SCAMP4: variants seen among roughly 807,000 people sequenced by gnomAD.
SCAMP4 encodes the protein secretory carrier-associated membrane protein 4.
Under a neutral mutation model 32.1 loss-of-function variants are expected in SCAMP4, and 19 were observed. The ratio of observed to expected loss-of-function variants is 0.59; its 90% CI spans 0.41 to 0.87. The LOEUF (loss-of-function observed/expected upper bound fraction) is 0.87, where lower values mean the gene tolerates loss of function less well. Among genes scored for constraint, SCAMP4 ranks in the 40% least tolerant of loss-of-function variants. The pLI, the probability that SCAMP4 is intolerant of heterozygous loss-of-function variation, is 0.00. For missense variants in SCAMP4, 302 were observed against 309.0 expected, an observed-to-expected ratio of 0.98 and a Z score of 0.17; for synonymous variants, 152 against 132.7, an observed-to-expected ratio of 1.15 and a Z score of -1.00.
intron 5 of SCAMP4, chr19:1,920,044 C>G: frequency 3.2e-6 from 2 of 624,958 alleles, no homozygotes; most frequent in Non-Finnish European, 4.0e-6. Flanking sequence ...AACTCCTAAC[C>G]TCGTGATCCA....
At chr19:1,910,010 T>C (rs1157483169) in intron 1 of SCAMP4, among the ~76,000 whole-genome samples, 1 of 152,232 alleles carries the variant, frequency 6.6e-6, no homozygotes, top group Non-Finnish European at 1.5e-5. Flanking sequence ...TGCCAGGCTG[T>C]GTGCTGTTCT....
chr19:1,906,488 G>C (rs1440073626), intron 1 of SCAMP4: 2 of 152,088 alleles, frequency 1.3e-5, no homozygotes, highest in Non-Finnish European at 2.9e-5. Context: ...GCAGTGAACT[G>C]TGATGGCACT....
At position 1,921,803 on chromosome 19, in the gene SCAMP4, G is replaced by A. The variant is rs149410975; in HGVS notation, c.396-1267G>A. On this transcript the variant is annotated intron_variant, in intron 5 of 6. Transcript: ENST00000316097. ...CAGACTGGCCTGGGCAACATAGGGA[G>A]AAACCATCTCTCCAGAAAAAAAAAA... is the stretch of plus-strand genomic sequence containing the variant. The A allele has an allele frequency of 1.7e-3, 1,643 of 984,620 alleles. 6 individuals are homozygous for A. The highest frequency in any genetic ancestry group is 1.9e-3 in the Non-Finnish European group (1,577 of 829,532). 61.0% of individuals were successfully genotyped at this position (984,620 alleles called of 1,614,324 possible).
At chr19:1,910,471 G>T (rs910859987) in intron 1 of SCAMP4, among the ~76,000 whole-genome samples, 3 of 152,234 alleles carry the variant, frequency 2.0e-5, no homozygotes, top group East Asian at 1.9e-4. Context: ...TCTCTTAGGG[G>T]TGATGGAATG....
chr19:1,925,910 A>ACCCCCCCCCCC lies in SCAMP4; in HGVS notation c.*1635_*1636insCCCCCCCCCCC, dbSNP rs71174396. ...GACAAAATCTCACCTGGCAGGCCCA[A>ACCCCCCCCCCC]CCCCCCCCCACCCCTCCCCCGCCGT... On this transcript the variant is annotated 3_prime_UTR_variant, in exon 7 of 7. Coordinates refer to ENST00000316097, the MANE Select transcript of SCAMP4 (RefSeq NM_079834.4). The ACCCCCCCCCCC allele has an allele frequency of 2.2e-4, 25 of 112,688 alleles. No homozygotes were observed. Among genetic ancestry groups the ACCCCCCCCCCC allele is most frequent in the African/African-American group, 5.4e-4 (12 of 22,176 alleles). The allele number at this position is 112,688 out of a possible 1,614,324, so 7.0% of individuals were successfully genotyped here.
In SCAMP4 at chr19:1,912,673, G is replaced by A. The variant is rs751313469; in HGVS notation, c.-41-2306G>A. 7.0e-5 allele frequency: 101 copies of A among 1,437,068 alleles called. No individual in the cohort carries two copies. Among genetic ancestry groups the A allele is most frequent in the South Asian group, 1.1e-4 (8 of 70,712 alleles). 89.0% of individuals were successfully genotyped at this position (1,437,068 alleles called of 1,614,324 possible). ...CGGCGGGCAGCAGCGCGGGGCTTGC[G>A]GGCCGTGGGGGCCGTGGTAGTGGAC... On this transcript the variant is annotated intron_variant, in intron 1 of 6. Coordinates refer to ENST00000316097, the MANE Select transcript of SCAMP4 (RefSeq NM_079834.4).
intron 5 of SCAMP4, chr19:1,919,296 T>C: frequency 1.6e-6 from 2 of 1,217,868 alleles, no homozygotes; most frequent in Non-Finnish European, 2.1e-6. Flanking sequence ...ATCACACCCC[T>C]GACCCGGGGT....
chr19:1,916,625 ATTTTTGTAG>A (rs1340594106), intron 2 of SCAMP4, among the ~76,000 whole-genome samples: 1 of 151,462 alleles, frequency 6.6e-6, no homozygotes, highest in Admixed American at 6.6e-5. Flanking sequence ...CGCTTGGCTA[ATTTTTGTAG>A]TTTTTGTAGA....
chr19:1,911,644 G>C (rs758938145), intron 1 of SCAMP4, among the ~76,000 whole-genome samples: 1 of 152,164 alleles, frequency 6.6e-6, no homozygotes, highest in African/African-American at 2.4e-5. Context: ...TTAGTCGGGC[G>C]TGGTGGCGCA....
At chr19:1,913,193 T>C in intron 1 of SCAMP4, 1 of 1,469,706 alleles carries the variant, frequency 6.8e-7, no homozygotes, top group Non-Finnish European at 9.0e-7. Flanking sequence ...CTCCCGGCCG[T>C]GGGGCGCCCC....
Position 1,912,861 on chromosome 19 carries a change from G to GC in SCAMP4, c.-41-2112dup, listed in dbSNP as rs775575809. On this transcript the variant is annotated intron_variant, in intron 1 of 6. Coordinates refer to ENST00000316097, the MANE Select transcript of SCAMP4 (RefSeq NM_079834.4). ...CGCCTGCTCCTTCGCCCCGGCCGCT[G>GC]CCCCCCAGGCCGTCCGCGCAGGCGC... 73 of 1,598,712 alleles carry GC rather than the reference G, an allele frequency of 4.6e-5. No homozygotes were observed. The highest frequency in any genetic ancestry group is 1.1e-4 in the South Asian group (10 of 90,756).
At chr19:1,912,727 G>T in intron 1 of SCAMP4, 1 of 1,529,612 alleles carries the variant, frequency 6.5e-7, no homozygotes, top group Admixed American at 2.0e-5. Flanking sequence ...CTGGCCACCG[G>T]CCACGACTGC....
At chr19:1,918,846 A>T (rs377728943) in intron 4 of SCAMP4, 43 bp from the exon 5 acceptor site, 102 of 1,570,586 alleles carry the variant, frequency 6.5e-5, no homozygotes, top group Non-Finnish European at 8.8e-5. Flanking sequence ...GTCTGGGAGA[A>T]GCCAGGGCTG....
In SCAMP4 at chr19:1,918,927, T is replaced by C; in HGVS notation, c.332T>C (p.Ile111Thr). The C allele has an allele frequency of 6.2e-7, 1 of 1,612,532 alleles. No individual in the cohort carries two copies. Among genetic ancestry groups the C allele is most frequent in the Non-Finnish European group, 8.5e-7 (1 of 1,179,304 alleles). ...TTTAATTTCATGGCGTTTTTCTTCA[T>C]CTTCGGAGCCCAGTTTGTCCTGACC... ...SSFNFMAFFF[I>T]FGAQFVLTVI... Residue 111 changes from isoleucine (I) to threonine (T), a missense_variant, in exon 5 of 7, where the codon ATC becomes ACC. Transcript: ENST00000316097.
Position 1,909,904 on chromosome 19 carries a change from C to T in SCAMP4, c.-42+4465C>T, listed in dbSNP as rs557567911. 6.6e-5 allele frequency among the ~76,000 whole-genome samples: 10 copies of T among 152,332 alleles called. No homozygotes were observed. The South Asian group carries it at 8.3e-4, about 13-fold the overall frequency. On this transcript the variant is annotated intron_variant, in intron 1 of 6. Transcript: ENST00000316097. Reference sequence around the variant, plus strand: ...GGGCTGCGCTCCGGGGCTTACGTTTCGTGGCTTGTCTTCTGAGGTCTCTCT... The same window carrying T: ...GGGCTGCGCTCCGGGGCTTACGTTTTGTGGCTTGTCTTCTGAGGTCTCTCT...
chr19:1,916,172 G>A (rs569090560), intron 2 of SCAMP4, among the ~76,000 whole-genome samples: 1 of 151,562 alleles, frequency 6.6e-6, no homozygotes, highest in Admixed American at 6.6e-5. Context: ...CTGGGAGGCG[G>A]AGTTGTGGTG....
At chr19:1,919,044 T>C in intron 5 of SCAMP4, 54 bp downstream of exon 5, 2 of 1,563,726 alleles carry the variant, frequency 1.3e-6, no homozygotes, top group Admixed American at 3.8e-5. Context: ...GCTGCCAGGT[T>C]GTGGGCCTGC....
chr19:1,918,215 C>T lies in SCAMP4; in HGVS notation c.225C>T (p.Phe75=), dbSNP rs752153362. 1.2e-5 allele frequency: 20 copies of T among 1,611,744 alleles called. No individual in the cohort carries two copies. The highest frequency in any genetic ancestry group is 9.9e-5 in the South Asian group (9 of 91,064). ...GGSGTNFGLA[F]VWLLLFTPCG... is the part of the protein sequence containing the mutation. ...CGGGGACCAACTTCGGCCTGGCCTT[C>T]GTGTGGCTGCTCCTGTTCACGCCTT... is the stretch of plus-strand genomic sequence containing the variant. Residue 75 remains phenylalanine, a synonymous_variant, in exon 4 of 7, where the codon TTC becomes TTT. Transcript: ENST00000316097.
chr19:1,922,275 T>C, intron 5 of SCAMP4: 1 of 985,060 alleles, frequency 1.0e-6, no homozygotes, highest in Non-Finnish European at 1.2e-6. Context: ...GTTTTTTTAT[T>C]TTGAGACAGA....
Sources: gnomAD v4.1 joint callset for allele counts (sites outside exome capture counted in the v4.1 genomes callset) on GRCh38, gnomAD v4.1.1 for gene constraint, MANE v1.5 for transcripts, NCBI Gene and HGNC (gene_info 2026-07-23, HGNC 2026-07-21) for gene names.